The following TMF1 variants were observed in gnomAD, a reference collection of about 807,000 sequenced individuals.
The protein encoded by TMF1 is TATA element modulatory factor.
In TMF1, 71 loss-of-function variants were observed where a neutral mutation model predicts 126.5. That is an observed-to-expected ratio of 0.56 (90% CI 0.46 to 0.68). The LOEUF is 0.68. Ranked by LOEUF, TMF1 falls within the 30% of genes least tolerant of loss-of-function variation. The probability of loss-of-function intolerance (pLI) is 0.00; values close to 1 mark genes in which losing one functional copy is unlikely to be tolerated. For synonymous variants in TMF1, 461 were observed against 430.5 expected (o/e 1.07, Z -0.88); for missense variants, 1,259 against 1,253.2 (o/e 1.00, Z -0.07).
rs779066515 is a variant in TMF1 at position 69,038,807 on chromosome 3, A to G, written c.1994+36T>C. 1.8e-5 allele frequency: 29 copies of G among 1,583,894 alleles called. No homozygotes were observed. In the Admixed American group the frequency reaches 4.8e-4, roughly 26 times the overall value. ...CTTCAACATCCTACTCTGATAATTCATTCTAAATGGGTTGCATATTTGTTC... is the reference window on the plus strand; with the variant it reads ...CTTCAACATCCTACTCTGATAATTCGTTCTAAATGGGTTGCATATTTGTTC... On this transcript the variant is annotated intron_variant, in intron 7 of 16. Transcript: ENST00000398559.
At chr3:69,030,304 C>T (rs976114705) in intron 10 of TMF1, 2 of 239,846 alleles carry the variant, frequency 8.3e-6, no homozygotes, top group Non-Finnish European at 1.6e-5. Context: ...TGCAAAAAAA[C>T]CAAAAAGCCT....
chr3:69,029,104 TCTCACTGCAAC>T (rs1188314933), intron 11 of TMF1, among the ~76,000 whole-genome samples: 1 of 151,318 alleles, frequency 6.6e-6, no homozygotes, highest in Non-Finnish European at 1.5e-5. Context: ...AATGGTGCAA[TCTCACTGCAAC>T]CTCTGCCTCC....
intron 6 of TMF1, 134 bp from the exon 7 acceptor site, chr3:69,039,143 G>T: frequency 1.1e-6 from 1 of 880,388 alleles, no homozygotes; most frequent in South Asian, 2.5e-5. Context: ...ATTGCCCAGG[G>T]TGGAATGTTC....
chr3:69,034,873 A>G, intron 9 of TMF1, 150 bp downstream of exon 9: 1 of 689,620 alleles, frequency 1.5e-6, no homozygotes, highest in Non-Finnish European at 2.6e-6. Flanking sequence ...GCCCACTCTG[A>G]TTTATTCACA....
In TMF1 at chr3:69,047,370, T is replaced by C. The variant is rs770884617; in HGVS notation, c.1335A>G (p.Glu445=). Residue 445 remains glutamate (E), a synonymous_variant, in exon 2 of 17, where the codon GAA becomes GAG. Transcript: ENST00000398559. ...TTACTAGAGTTACCTTGCAAACATC[T>C]TCCTTCTCAGAAAGTGCTTCTGGCT... ...ESQPEALSEK[E]DVCKTVEFLN... is the part of the protein sequence containing the mutation. 13 of 1,588,456 alleles carry C rather than the reference T, an allele frequency of 8.2e-6. No individual in the cohort carries two copies. Among genetic ancestry groups the C allele is most frequent in the African/African-American group, 4.0e-5 (3 of 74,354 alleles).
intron 1 of TMF1, among the ~76,000 whole-genome samples, chr3:69,049,803 TTAAAG>T (rs1431157737): frequency 6.6e-6 from 1 of 152,198 alleles, no homozygotes; most frequent in African/African-American, 2.4e-5. Context: ...GGTATATTCG[TTAAAG>T]TATTTAAAGC....
Position 69,021,067 on chromosome 3 carries a change from G to C in TMF1, c.*2110C>G, listed in dbSNP as rs991990948. The C allele has an allele frequency of 6.6e-5, 10 of 152,216 alleles. No homozygotes were observed. The highest frequency in any genetic ancestry group is 1.5e-4 in the Non-Finnish European group (10 of 68,034). The allele number at this position is 152,216 out of a possible 1,614,324, so 9.4% of individuals were successfully genotyped here. Reference sequence around the variant, plus strand: ...TTTCGGTTACTCACGGTCAACCACAGTCTGATTACAGGTGAGTACAGTACA... The same window carrying C: ...TTTCGGTTACTCACGGTCAACCACACTCTGATTACAGGTGAGTACAGTACA... On this transcript the variant is annotated 3_prime_UTR_variant, in exon 17 of 17. Transcript: ENST00000398559.
chr3:69,036,557 G>A (rs78189636), intron 8 of TMF1, among the ~76,000 whole-genome samples: 19 of 152,268 alleles, frequency 1.2e-4, no homozygotes, highest in African/African-American at 4.6e-4. Flanking sequence ...TTTGCCAATA[G>A]AAACACTGAA....
Position 69,048,312 on chromosome 3 carries a change from G to C in TMF1, c.393C>G (p.Ser131Arg). The C allele has an allele frequency of 6.2e-7, 1 of 1,614,182 alleles. No individual in the cohort carries two copies. The highest frequency in any genetic ancestry group is 1.6e-4 in the Middle Eastern group (1 of 6,062). ...CAATGTGCAAGGATTCATGTAAGCT[G>C]CTTTTCACTTCTTCTTCTGGTCGTT... ...KSQRPEEEVK[S>R]SLHESLHIGQ... Residue 131 changes from serine to arginine, a missense_variant, in exon 2 of 17, where the codon AGC (serine) becomes AGG (arginine). Transcript: ENST00000398559.
Position 69,035,026 on chromosome 3 carries a change from C to CTGAA in TMF1, c.2237_2240dup (p.Gln747HisfsTer53). ...TTTTGGAAACCTGTGACAGTACCTGCTGAAGTTCACCGATCTCATGGCGTA... is the reference window on the plus strand; with the variant it reads ...TTTTGGAAACCTGTGACAGTACCTGCTGAATGAAGTTCACCGATCTCATGGCGTA... On this transcript the variant is annotated frameshift_variant, in exon 9 of 17. Transcript: ENST00000398559. LOFTEE classifies it high-confidence loss of function. The CTGAA allele has an allele frequency of 6.2e-7, 1 of 1,613,798 alleles. No homozygotes were observed. Among genetic ancestry groups the CTGAA allele is most frequent in the Non-Finnish European group, 8.5e-7 (1 of 1,179,708 alleles).
At chr3:69,034,916 G>T in intron 9 of TMF1, 107 bp downstream of exon 9, 2 of 1,009,740 alleles carry the variant, frequency 2.0e-6, no homozygotes, top group Non-Finnish European at 3.1e-6. Flanking sequence ...TGCTAGGTGT[G>T]ACAGTAATCC....
In TMF1 at chr3:69,024,091, C is replaced by T. The variant is rs543006795; in HGVS notation, c.3102G>A (p.Lys1034=). The T allele has an allele frequency of 5.6e-6, 9 of 1,609,226 alleles. No homozygotes were observed. The African/African-American group carries it at 9.4e-5, about 17-fold the overall frequency. ...LTNQNDELEE[K]VKEIPKLRTQ... ...TTCTAAGTTTGGGTATCTCCTTCAC[C>T]TTCTCTTCAAGTTCATCATTTTGAT... The change falls in exon 16 of 17, where the codon AAG becomes AAA. Residue 1034 remains lysine, a synonymous_variant. Coordinates refer to ENST00000398559, the MANE Select transcript of TMF1 (RefSeq NM_007114.3).
chr3:69,030,117 C>A, intron 10 of TMF1, 110 bp from the exon 11 acceptor site: 1 of 893,934 alleles, frequency 1.1e-6, no homozygotes, highest in Non-Finnish European at 1.7e-6. Flanking sequence ...ACACTTAAAA[C>A]TGATAACTAT....
intron 8 of TMF1, among the ~76,000 whole-genome samples, chr3:69,037,327 T>C (rs1284399712): frequency 6.6e-6 from 1 of 151,844 alleles, no homozygotes; most frequent in African/African-American, 2.4e-5. Context: ...ACCCCATGTC[T>C]ACTAAAAATA....
chr3:69,025,922 G>C, intron 14 of TMF1, 74 bp downstream of exon 14: 3 of 1,325,916 alleles, frequency 2.3e-6, no homozygotes, highest in Non-Finnish European at 2.1e-6. Context: ...CATGATGACA[G>C]ACAATATTGC....
intron 7 of TMF1, 37 bp downstream of exon 7, chr3:69,038,806 C>T: frequency 1.3e-6 from 2 of 1,584,196 alleles, no homozygotes; most frequent in Non-Finnish European, 1.7e-6. Context: ...TCTGATAATT[C>T]ATTCTAAATG....
chr3:69,039,060 G>T (rs778731112), intron 6 of TMF1, 51 bp from the exon 7 acceptor site: 2 of 1,280,888 alleles, frequency 1.6e-6, no homozygotes, highest in Admixed American at 2.6e-5. Flanking sequence ...TAATACCATG[G>T]TAAATAACTG....
In TMF1 at chr3:69,047,887, G is replaced by A. The variant is rs769353050; in HGVS notation, c.818C>T (p.Ala273Val). ...DHESVISESS[A>V]SSRQETTDSK... ...ATCTGTAGTCTCTTGTCTCGAGCTC[G>A]CTGAGCTCTCACTTATTACACTTTC... The change falls in exon 2 of 17, where the codon GCG becomes GTG. Residue 273 changes from alanine (A) to valine (V), a missense_variant. By Grantham distance (64) the Ala-to-Val change is moderately conservative. Coordinates refer to ENST00000398559, the MANE Select transcript of TMF1 (RefSeq NM_007114.3). 12 of 1,613,788 alleles carry A rather than the reference G, an allele frequency of 7.4e-6. No individual in the cohort carries two copies. Among genetic ancestry groups the A allele is most frequent in the East Asian group, 2.2e-5 (1 of 44,864 alleles).
In TMF1 at chr3:69,038,603, T is replaced by C; in HGVS notation, c.2112A>G (p.Gln704=). The change falls in exon 8 of 17, where the codon CAA becomes CAG. Residue 704 remains glutamine (Q), a synonymous_variant. Coordinates refer to ENST00000398559, the MANE Select transcript of TMF1 (RefSeq NM_007114.3). The part of the protein sequence containing the change: ...EELSAALEKA[Q]EEARQQQETL... ...TTTCTTGCTGCTGACGGGCTTCTTCTTGGGCCTTCTCTAATGCTGCAGAAA... is the reference window on the plus strand; with the variant it reads ...TTTCTTGCTGCTGACGGGCTTCTTCCTGGGCCTTCTCTAATGCTGCAGAAA... 2 of 1,614,178 alleles carry C rather than the reference T, an allele frequency of 1.2e-6. No homozygotes were observed. Among genetic ancestry groups the C allele is most frequent in the Non-Finnish European group, 1.7e-6 (2 of 1,180,022 alleles).
Sources: gnomAD v4.1 joint callset for allele counts (sites outside exome capture counted in the v4.1 genomes callset) on GRCh38, gnomAD v4.1.1 for gene constraint, MANE v1.5 for transcripts, NCBI Gene and HGNC (gene_info 2026-07-23, HGNC 2026-07-21) for gene names.